ZC3H12B: variants seen among roughly 807,000 people sequenced by gnomAD.
The protein encoded by ZC3H12B is probable ribonuclease ZC3H12B.
ZC3H12B carries 7 observed loss-of-function variants against 43.9 expected under a neutral mutation model. The ratio of observed to expected loss-of-function variants is 0.16; its 90% CI spans 0.09 to 0.30. The LOEUF (loss-of-function observed/expected upper bound fraction) is 0.30, where lower values mean the gene tolerates loss of function less well. Among genes scored for constraint, ZC3H12B ranks in the 10% least tolerant of loss-of-function variants. The pLI, the probability that ZC3H12B is intolerant of heterozygous loss-of-function variation, is 1.00. For synonymous variants in ZC3H12B, 222 were observed against 241.7 expected, an observed-to-expected ratio of 0.92 and a Z score of 0.76; for missense variants, 475 against 670.2, an observed-to-expected ratio of 0.71 and a Z score of 3.22.
At chrX:65,299,778 T>C in the ZC3H12B span, among the ~76,000 whole-genome samples, 90 of 112,179 alleles carry the variant, frequency 8.0e-4, no homozygotes, top group Middle Eastern at 4.6e-3. Flanking sequence ...CTCAGACCCT[T>C]TGAAGAAAGC....
At chrX:65,247,360 C>T in the ZC3H12B span, among the ~76,000 whole-genome samples, 21 of 111,930 alleles carry the variant, frequency 1.9e-4, 1 homozygote, top group Non-Finnish European at 3.6e-4. Flanking sequence ...ACAGAAATAC[C>T]ATTTGACTCA....
At chrX:65,315,049 C>A in the ZC3H12B span, among the ~76,000 whole-genome samples, 1 of 110,231 alleles carries the variant, frequency 9.1e-6, no homozygotes, top group Admixed American at 9.7e-5. Flanking sequence ...ATTTTAAAAT[C>A]CAAAAGAAGT....
chrX:65,482,464 A>G (rs2068075885), intron 3 of ZC3H12B, among the ~76,000 whole-genome samples: 1 of 112,163 alleles, frequency 8.9e-6, no homozygotes, highest in African/African-American at 3.2e-5. Context: ...TTACTCTAGC[A>G]GAGACCGTCT....
chrX:65,313,088 G>C, the ZC3H12B span, among the ~76,000 whole-genome samples: 1 of 111,107 alleles, frequency 9.0e-6, no homozygotes, highest in African/African-American at 3.3e-5. Flanking sequence ...CACCATGCTA[G>C]CCAGGCTGGT....
At chrX:65,159,205 A>G in the ZC3H12B span, among the ~76,000 whole-genome samples, 2 of 111,927 alleles carry the variant, frequency 1.8e-5, no homozygotes, top group African/African-American at 6.5e-5. Flanking sequence ...GTCAGGTAGC[A>G]TGATGCCTCC....
the ZC3H12B span, chrX:65,328,237 C>A: frequency 8.0e-6 from 2 of 251,446 alleles, no homozygotes; most frequent in Non-Finnish European, 1.6e-5. Context: ...TTTCAGCATA[C>A]TATGCTCTCA....
At chrX:65,463,758 T>A (rs1466860010) in intron 3 of ZC3H12B, among the ~76,000 whole-genome samples, 4 of 111,288 alleles carry the variant, frequency 3.6e-5, no homozygotes, top group Non-Finnish European at 5.7e-5. Context: ...AATATGCTGG[T>A]TTCTTATCAC....
chrX:65,145,241 T>C, the ZC3H12B span, among the ~76,000 whole-genome samples: 1 of 7,489 alleles, frequency 1.3e-4, no homozygotes, highest in African/African-American at 1.4e-4. Context: ...CTTCGTTTTC[T>C]TTTTTTTTTT....
the ZC3H12B span, among the ~76,000 whole-genome samples, chrX:65,161,171 T>A: frequency 9.0e-6 from 1 of 111,424 alleles, no homozygotes; most frequent in Non-Finnish European, 1.9e-5. Context: ...GAGGAGAGCT[T>A]TACTTCCAAC....
the ZC3H12B span, among the ~76,000 whole-genome samples, chrX:65,117,664 A>G: frequency 9.0e-6 from 1 of 111,704 alleles, no homozygotes; most frequent in Non-Finnish European, 1.9e-5. Flanking sequence ...GGTATTGCCT[A>G]GGTTTTCTTC....
chrX:65,161,248 G>A, the ZC3H12B span, among the ~76,000 whole-genome samples: 7 of 111,311 alleles, frequency 6.3e-5, no homozygotes, highest in African/African-American at 9.8e-5. Flanking sequence ...GTTGATTTGG[G>A]GTGGAGAGTT....
chrX:65,155,257 C>T, the ZC3H12B span, among the ~76,000 whole-genome samples: 1 of 110,205 alleles, frequency 9.1e-6, no homozygotes, highest in African/African-American at 3.3e-5. Flanking sequence ...TGAGTCTGGC[C>T]TGCTACTTTT....
chrX:65,148,074 G>C, the ZC3H12B span, among the ~76,000 whole-genome samples: 6 of 110,817 alleles, frequency 5.4e-5, no homozygotes, highest in African/African-American at 2.0e-4. Context: ...GTTGGAGAAT[G>C]GGGCTACAGG....
In ZC3H12B at chrX:65,461,439, C is replaced by T. The variant is rs889579657; in HGVS notation, n.408-27207C>T. Among the ~76,000 whole-genome samples the T allele has an allele frequency of 5.3e-5, 6 of 112,290 alleles. No homozygotes were observed. The Admixed American group carries it at 5.7e-4, about 11-fold the overall frequency. ...GTGGCACTATTCAGAATAGCAAAGA[C>T]TTGGAACCAACCCAAATGTCCAACA... On this transcript the variant is annotated intron_variant and non_coding_transcript_variant, in intron 3 of 5. Transcript: ENST00000617377.
At chrX:65,118,866 T>C in the ZC3H12B span, among the ~76,000 whole-genome samples, 3 of 100,355 alleles carry the variant, frequency 3.0e-5, no homozygotes, top group South Asian at 5.3e-4. Flanking sequence ...GTTCTCATTG[T>C]TCAATTCTCA....
At chrX:65,147,080 A>C in the ZC3H12B span, among the ~76,000 whole-genome samples, 1 of 111,619 alleles carries the variant, frequency 9.0e-6, no homozygotes. Context: ...GTATTTGTAA[A>C]CTTTCCAATA....
chrX:65,258,416 T>G, the ZC3H12B span, among the ~76,000 whole-genome samples: 1 of 111,670 alleles, frequency 9.0e-6, no homozygotes, highest in Non-Finnish European at 1.9e-5. Context: ...AGGAACATAC[T>G]TCTAAATAAT....
the ZC3H12B span, among the ~76,000 whole-genome samples, chrX:65,173,805 G>T: frequency 2.7e-5 from 3 of 111,623 alleles, no homozygotes; most frequent in African/African-American, 9.8e-5. Flanking sequence ...TTTTTGATGT[G>T]CTGCTGGTGT....
chrX:65,126,121 T>G, the ZC3H12B span, among the ~76,000 whole-genome samples: 1 of 109,795 alleles, frequency 9.1e-6, no homozygotes, highest in Admixed American at 9.7e-5. Flanking sequence ...TTGGTATATT[T>G]TGAGTCAATT....
Sources: allele counts gnomAD v4.1 joint callset (sites outside exome capture counted in the v4.1 genomes callset), GRCh38; gene constraint gnomAD v4.1.1; transcripts MANE v1.5; gene names NCBI Gene and HGNC (gene_info 2026-07-23, HGNC 2026-07-21).